Variants in OTOF observed in about 807,000 individuals in gnomAD.
The protein encoded by OTOF is otoferlin.
OTOF carries 218 observed loss-of-function variants against 236.8 expected under a neutral mutation model. The observed-to-expected ratio is 0.92, with a 90% CI of 0.82 to 1.03. The LOEUF (loss-of-function observed/expected upper bound fraction) is 1.03, where lower values mean the gene tolerates loss of function less well. OTOF is among the 50% of genes least tolerant of loss of function. The pLI is 0.00. For synonymous variants in OTOF, 1,041 were observed against 1,072.5 expected, an observed-to-expected ratio of 0.97 and a Z score of 0.57; for missense variants, 2,590 against 2,694.4, an observed-to-expected ratio of 0.96 and a Z score of 0.86.
chr2:26,486,909 A>G (rs1035159652), intron 11 of OTOF, among the ~76,000 whole-genome samples: 1 of 151,484 alleles, frequency 6.6e-6, no homozygotes, highest in Non-Finnish European at 1.5e-5. Flanking sequence ...TGGGGCTGAC[A>G]CCTGCCAGTC....
chr2:26,522,785 C>T (rs977630559), intron 3 of OTOF, among the ~76,000 whole-genome samples: 13 of 152,216 alleles, frequency 8.5e-5, no homozygotes, highest in Admixed American at 7.2e-4. Flanking sequence ...CAAGAGGCCT[C>T]TCTGGGCCTC....
chr2:26,494,620 G>T (rs1217025627), intron 9 of OTOF, among the ~76,000 whole-genome samples: 2 of 147,498 alleles, frequency 1.4e-5, no homozygotes, highest in Admixed American at 6.7e-5. Flanking sequence ...CTCTGGCCTG[G>T]GAAACAGTGG....
At chr2:26,539,156 G>A (rs1341302450) in intron 1 of OTOF, among the ~76,000 whole-genome samples, 2 of 152,006 alleles carry the variant, frequency 1.3e-5, no homozygotes, top group South Asian at 2.1e-4. Flanking sequence ...GTACAATTTC[G>A]CACAAGAAAC....
intron 2 of OTOF, among the ~76,000 whole-genome samples, chr2:26,533,325 T>C (rs375815440): frequency 1.3e-5 from 2 of 152,044 alleles, no homozygotes; most frequent in East Asian, 1.9e-4. Context: ...TGCTTTAGAG[T>C]ACAATGGAAA....
chr2:26,476,098 T>G (rs771546424), intron 23 of OTOF, 30 bp downstream of exon 23: 24 of 1,611,096 alleles, frequency 1.5e-5, no homozygotes, highest in Non-Finnish European at 2.0e-5. Flanking sequence ...CCCTCCCAGG[T>G]GAGGCTTCGA....
intron 5 of OTOF, among the ~76,000 whole-genome samples, chr2:26,511,224 G>A (rs956458663): frequency 6.6e-6 from 1 of 152,196 alleles, no homozygotes; most frequent in African/African-American, 2.4e-5. Context: ...GCCTCTAGGG[G>A]AACAGTGGGC....
intron 3 of OTOF, among the ~76,000 whole-genome samples, chr2:26,520,813 A>T (rs1666659119): frequency 6.6e-6 from 1 of 152,122 alleles, no homozygotes; most frequent in African/African-American, 2.4e-5. Flanking sequence ...GAAAAAATAC[A>T]CTCATCTTTT....
intron 8 of OTOF, among the ~76,000 whole-genome samples, chr2:26,495,924 G>A (rs1665971474): frequency 6.6e-6 from 1 of 152,222 alleles, no homozygotes; most frequent in African/African-American, 2.4e-5. Context: ...GCAGGCCTCT[G>A]ATACGTCTTT....
At chr2:26,545,260 T>C (rs997010220) in intron 1 of OTOF, among the ~76,000 whole-genome samples, 1 of 152,214 alleles carries the variant, frequency 6.6e-6, no homozygotes, top group African/African-American at 2.4e-5. Flanking sequence ...TGACTCAGGA[T>C]GTTGATCACA....
Position 26,473,819 on chromosome 2 carries a change from G to T in OTOF, c.3408+172C>A, listed in dbSNP as rs1665116645. 6.6e-6 allele frequency among the ~76,000 whole-genome samples: 1 copy of T among 152,084 alleles called. No homozygotes were observed. The highest frequency in any genetic ancestry group is 6.5e-5 in the Admixed American group (1 of 15,272). On this transcript the variant is annotated intron_variant, in intron 27 of 46. Coordinates refer to ENST00000272371, the MANE Select transcript of OTOF (RefSeq NM_194248.3). This position sits in a 1 kb window ranked among gnomAD's most constrained non-coding sequence, Gnocchi z 7.2. Reference sequence around the variant, plus strand: ...ACAGGAGGGCTGGGCATGGTCCTGGGACATGGGAGTGCGACTTGGTGCAGA... The same window carrying T: ...ACAGGAGGGCTGGGCATGGTCCTGGTACATGGGAGTGCGACTTGGTGCAGA...
chr2:26,558,459 A>T, intron 1 of OTOF, 34 bp downstream of exon 1: 1 of 1,590,864 alleles, frequency 6.3e-7, no homozygotes, highest in Non-Finnish European at 8.6e-7. Flanking sequence ...CAGCTCTCAG[A>T]GCTGGCGTCC....
chr2:26,477,063 C>T lies in OTOF; in HGVS notation c.2524-20G>A. The T allele has an allele frequency of 6.7e-7, 1 of 1,502,668 alleles. No individual in the cohort carries two copies. The highest frequency in any genetic ancestry group is 1.2e-5 in the South Asian group (1 of 84,298). 93.1% of individuals were successfully genotyped at this position (1,502,668 alleles called of 1,614,324 possible). On this transcript the variant is annotated intron_variant, in intron 21 of 46. Coordinates refer to ENST00000272371, the MANE Select transcript of OTOF (RefSeq NM_194248.3). The surrounding 1 kb of genome is among the most constrained non-coding windows in gnomAD (Gnocchi z 4.7). ...CTGGGGCTGGGGGTTGGGGGGTGGC[C>T]AGGGGCAGTGGGTAAGGGGGTCTAG...
chr2:26,535,442 G>C (rs974749023), intron 2 of OTOF, among the ~76,000 whole-genome samples: 1 of 152,138 alleles, frequency 6.6e-6, no homozygotes, highest in Non-Finnish European at 1.5e-5. Flanking sequence ...GGAAGTGCGG[G>C]ATGGCCTGAG....
At chr2:26,503,992 A>G (rs926525940) in intron 5 of OTOF, 147 bp from the exon 6 acceptor site, 3 of 725,832 alleles carry the variant, frequency 4.1e-6, no homozygotes, top group Admixed American at 4.2e-5. Context: ...ACAGATCGGG[A>G]TCTGTCTTCC....
chr2:26,539,762 G>C (rs968708038), intron 1 of OTOF, among the ~76,000 whole-genome samples: 1 of 152,150 alleles, frequency 6.6e-6, no homozygotes, highest in Non-Finnish European at 1.5e-5. Context: ...AAATAAAAAA[G>C]AAAGTGGTTA....
At chr2:26,464,827 C>T in intron 39 of OTOF, 42 bp downstream of exon 39, 1 of 1,585,158 alleles carries the variant, frequency 6.3e-7, no homozygotes, top group Non-Finnish European at 8.6e-7. Context: ...CTCTGAAACC[C>T]CCTGGAGAGG....
intron 24 of OTOF, 56 bp from the exon 25 acceptor site, chr2:26,475,549 C>T (rs900695929): frequency 5.7e-6 from 9 of 1,587,664 alleles, no homozygotes; most frequent in Non-Finnish European, 5.2e-6. Context: ...GGCAGATGCA[C>T]AAACAGAAGC....
At chr2:26,510,126 A>T (rs1217321440) in intron 5 of OTOF, among the ~76,000 whole-genome samples, 1 of 152,040 alleles carries the variant, frequency 6.6e-6, no homozygotes, top group Non-Finnish European at 1.5e-5. Flanking sequence ...TGTCCTCTCC[A>T]GACAGCACCC....
chr2:26,518,275 G>A (rs546995570), intron 4 of OTOF, among the ~76,000 whole-genome samples: 2 of 152,384 alleles, frequency 1.3e-5, no homozygotes, highest in East Asian at 3.9e-4. Flanking sequence ...TACTTTCTGT[G>A]TATTGTCCTT....
Sources: gnomAD v4.1 joint callset for allele counts (sites outside exome capture counted in the v4.1 genomes callset) on GRCh38, gnomAD v4.1.1 for gene constraint, Gnocchi (gnomAD v3.1) non-coding constraint, MANE v1.5 for transcripts, NCBI Gene and HGNC (gene_info 2026-07-23, HGNC 2026-07-21) for gene names.